Variants in ARHGAP12 observed in about 807,000 individuals in gnomAD.
ARHGAP12 encodes the protein Rho GTPase activating protein 12.
In ARHGAP12, 64 loss-of-function variants were observed where a neutral mutation model predicts 108.6. The ratio of observed to expected loss-of-function variants is 0.59; its 90% CI spans 0.48 to 0.73. ARHGAP12 has a LOEUF of 0.73. Ranked by LOEUF, ARHGAP12 falls within the 30% of genes least tolerant of loss-of-function variation. The probability of loss-of-function intolerance (pLI) is 0.00; values close to 1 mark genes in which losing one functional copy is unlikely to be tolerated. For missense variants in ARHGAP12, 940 were observed against 1,005.9 expected (o/e 0.93, Z 0.89); for synonymous variants, 312 against 337.2 (o/e 0.93, Z 0.82).
At chr10:31,846,034 G>A (rs1836450583) in intron 6 of ARHGAP12, among the ~76,000 whole-genome samples, 1 of 151,964 alleles carries the variant, frequency 6.6e-6, no homozygotes, top group Non-Finnish European at 1.5e-5. Flanking sequence ...ACAGTTTCTT[G>A]AGCCTCTCGT....
intron 11 of ARHGAP12, among the ~76,000 whole-genome samples, chr10:31,821,674 T>C (rs1835422857): frequency 6.6e-6 from 1 of 152,196 alleles, no homozygotes; most frequent in Non-Finnish European, 1.5e-5. Flanking sequence ...TTACATCTTT[T>C]TAGCTATCAG....
At chr10:31,919,875 T>G (rs1024452552) in intron 1 of ARHGAP12, among the ~76,000 whole-genome samples, 2 of 150,982 alleles carry the variant, frequency 1.3e-5, no homozygotes, top group African/African-American at 4.9e-5. Flanking sequence ...TCCCAGCACT[T>G]TGGGAGGATG....
At chr10:31,863,903 A>C (rs1464527892) in intron 3 of ARHGAP12, among the ~76,000 whole-genome samples, 1 of 152,174 alleles carries the variant, frequency 6.6e-6, no homozygotes, top group Admixed American at 6.5e-5. Flanking sequence ...ATTAGTATTT[A>C]AACATCACAA....
intron 3 of ARHGAP12, among the ~76,000 whole-genome samples, chr10:31,906,578 G>A (rs549873138): frequency 6.6e-6 from 1 of 152,152 alleles, no homozygotes; most frequent in African/African-American, 2.4e-5. Flanking sequence ...CTTCTCATGA[G>A]AGCAGGGGAA....
At chr10:31,838,678 A>C (rs1836123081) in intron 9 of ARHGAP12, among the ~76,000 whole-genome samples, 1 of 151,902 alleles carries the variant, frequency 6.6e-6, no homozygotes, top group African/African-American at 2.4e-5. Flanking sequence ...AAAAATACAA[A>C]AAATTAGCCA....
chr10:31,877,827 C>T (rs2132354475), intron 3 of ARHGAP12, among the ~76,000 whole-genome samples: 1 of 152,298 alleles, frequency 6.6e-6, no homozygotes, highest in African/African-American at 2.4e-5. Context: ...TGAGGTGGCG[C>T]CTGCCTATAA....
intron 7 of ARHGAP12, 146 bp downstream of exon 7, chr10:31,843,315 G>A (rs1490958826): frequency 4.8e-6 from 4 of 828,574 alleles, no homozygotes; most frequent in Non-Finnish European, 5.4e-6. Flanking sequence ...CAACATACAT[G>A]CAGATCAAAA....
At chr10:31,911,752 T>C (rs897029073) in intron 1 of ARHGAP12, among the ~76,000 whole-genome samples, 1 of 152,178 alleles carries the variant, frequency 6.6e-6, no homozygotes, top group Non-Finnish European at 1.5e-5. Flanking sequence ...ACATACACAA[T>C]GTCACCTACG....
chr10:31,817,015 C>A (rs1465593719), intron 13 of ARHGAP12, among the ~76,000 whole-genome samples: 1 of 152,038 alleles, frequency 6.6e-6, no homozygotes, highest in African/African-American at 2.4e-5. Flanking sequence ...AGAGCCATGT[C>A]CCCATATGGT....
At chr10:31,906,920 T>A (rs1239978690) in intron 3 of ARHGAP12, among the ~76,000 whole-genome samples, 1 of 152,218 alleles carries the variant, frequency 6.6e-6, no homozygotes, top group African/African-American at 2.4e-5. Context: ...ATATATTCTA[T>A]GTCAGAGTAT....
At chr10:31,868,887 T>G (rs1451347245) in intron 3 of ARHGAP12, among the ~76,000 whole-genome samples, 2 of 152,124 alleles carry the variant, frequency 1.3e-5, no homozygotes, top group East Asian at 3.9e-4. Context: ...CACTGCACTC[T>G]AGCCTGGGTT....
In ARHGAP12 at chr10:31,832,794, A is replaced by AT. The variant is rs200823707; in HGVS notation, c.1387-995dup. Among the ~76,000 whole-genome samples, 1,410 of 152,096 alleles carry AT rather than the reference A, an allele frequency of 9.3e-3. 21 individuals are homozygous for AT. The highest frequency in any genetic ancestry group is 0.031 in the African/African-American group (1,295 of 41,498). On this transcript the variant is annotated intron_variant, in intron 9 of 19. Coordinates refer to ENST00000344936, the MANE Select transcript of ARHGAP12 (RefSeq NM_018287.7). Reference sequence around the variant, plus strand: ...ATGAGAGATAAACATAATATTGAGCATTTTTTTTACCAATGTCTGAAAGTT... The same window carrying AT: ...ATGAGAGATAAACATAATATTGAGCATTTTTTTTTACCAATGTCTGAAAGTT...
At chr10:31,861,722 T>C in intron 3 of ARHGAP12, 64 bp from the exon 4 acceptor site, 1 of 1,461,786 alleles carries the variant, frequency 6.8e-7, no homozygotes, top group African/African-American at 1.4e-5. Flanking sequence ...CAAAATTAAA[T>C]GAAACAGGAG....
intron 3 of ARHGAP12, among the ~76,000 whole-genome samples, chr10:31,890,327 T>G (rs374532995): frequency 6.6e-6 from 1 of 152,124 alleles, no homozygotes; most frequent in South Asian, 2.1e-4. Flanking sequence ...AACCTACAAA[T>G]AGGTTGCTTT....
intron 3 of ARHGAP12, among the ~76,000 whole-genome samples, chr10:31,902,598 T>G (rs957291902): frequency 6.7e-6 from 1 of 148,422 alleles, no homozygotes; most frequent in Non-Finnish European, 1.5e-5. Context: ...TTAAGCTGAG[T>G]GGTTCAAGGT....
chr10:31,815,005 A>T (rs915686413), intron 13 of ARHGAP12, among the ~76,000 whole-genome samples: 2 of 151,612 alleles, frequency 1.3e-5, no homozygotes, highest in Non-Finnish European at 2.9e-5. Flanking sequence ...CTGTAGTCCC[A>T]GCTACTTGGG....
chr10:31,905,050 A>G (rs1472707394), intron 3 of ARHGAP12, among the ~76,000 whole-genome samples: 1 of 152,200 alleles, frequency 6.6e-6, no homozygotes, highest in African/African-American at 2.4e-5. Context: ...AGACAGACAT[A>G]GGAGCTGAGG....
At chr10:31,904,695 CGGG>C (rs1212914938) in intron 3 of ARHGAP12, among the ~76,000 whole-genome samples, 8 of 152,120 alleles carry the variant, frequency 5.3e-5, no homozygotes, top group Admixed American at 5.2e-4. Context: ...GGTGCAATCT[CGGG>C]TCACTGCAAC....
intron 1 of ARHGAP12, among the ~76,000 whole-genome samples, chr10:31,924,695 T>C (rs1839957278): frequency 6.7e-6 from 1 of 149,448 alleles, no homozygotes; most frequent in African/African-American, 2.4e-5. Flanking sequence ...AAGATGTCAC[T>C]CTAACCTCAT....
Sources: allele counts gnomAD v4.1 joint callset (sites outside exome capture counted in the v4.1 genomes callset), GRCh38; gene constraint gnomAD v4.1.1; transcripts MANE v1.5; gene names NCBI Gene and HGNC (gene_info 2026-07-23, HGNC 2026-07-21).